Variants in KDM7A observed in about 807,000 individuals in gnomAD.
KDM7A encodes the protein lysine-specific demethylase 7A.
KDM7A carries 28 observed loss-of-function variants against 114.8 expected under a neutral mutation model. That is an observed-to-expected ratio of 0.24 (90% CI 0.18 to 0.33). The LOEUF (loss-of-function observed/expected upper bound fraction) is 0.33. KDM7A is among the 10% of genes least tolerant of loss of function. The pLI, the probability that KDM7A is intolerant of heterozygous loss-of-function variation, is 1.00. For synonymous variants in KDM7A, 423 were observed against 397.8 expected (o/e 1.06, Z -0.75); for missense variants, 942 against 1,142.5 (o/e 0.82, Z 2.53).
Position 140,091,132 on chromosome 7 carries a change from TAAGG to T in KDM7A, c.2784_2787del (p.Leu929SerfsTer2). 6.2e-7 allele frequency: 1 copy of T among 1,614,164 alleles called. No individual in the cohort carries two copies. Among genetic ancestry groups the T allele is most frequent in the Non-Finnish European group, 8.5e-7 (1 of 1,179,964 alleles). ...CGTGCATGGCCATTTCTGTTCAACT[TAAGG>T]ATCTTCCCAAGACGTTGTTTGGCTG... On this transcript the variant is annotated frameshift_variant, in exon 20 of 20. Transcript: ENST00000397560. LOFTEE classifies it high-confidence loss of function.
rs1224780275 is a variant in KDM7A, at chr7:140,085,503, AGCAT to A, written c.*5587_*5590del. On this transcript the variant is annotated 3_prime_UTR_variant, in exon 20 of 20. Transcript: ENST00000397560. Reference sequence around the variant, plus strand: ...ATGAACCTTTTCACCCTCTTTCCACAGCATGAAACTGTTATGGCTTAATTTATAT... The same window carrying A: ...ATGAACCTTTTCACCCTCTTTCCACAGAAACTGTTATGGCTTAATTTATAT... 2 of 152,224 alleles carry A rather than the reference AGCAT, an allele frequency of 1.3e-5. No homozygotes were observed. The highest frequency in any genetic ancestry group is 4.8e-5 in the African/African-American group (2 of 41,456). 9.4% of individuals were successfully genotyped at this position (152,224 alleles called of 1,614,324 possible).
At chr7:140,096,854 T>C (rs1298766445) in intron 16 of KDM7A, 45 bp downstream of exon 16, 1 of 1,596,696 alleles carries the variant, frequency 6.3e-7, no homozygotes, top group Non-Finnish European at 8.6e-7. Flanking sequence ...GTTCATAGTA[T>C]TTACCTTACA....
rs115086341 is a variant in KDM7A at position 140,166,132 on chromosome 7, C to T, written c.194+10612G>A. 8.4e-3 allele frequency among the ~76,000 whole-genome samples: 1,271 copies of T among 152,136 alleles called. 5 individuals carry two copies. The highest frequency in any genetic ancestry group is 0.016 in the African/African-American group (674 of 41,478). On this transcript the variant is annotated intron_variant, in intron 1 of 19. Transcript: ENST00000397560. ...GGTATACTCAGAGTTCAGTACTATC[C>T]GTAGTTGCCGGCATCCACTGGGGGT...
At chr7:140,120,308 T>A in intron 8 of KDM7A, 134 bp downstream of exon 8, 3 of 533,244 alleles carry the variant, frequency 5.6e-6, no homozygotes, top group Non-Finnish European at 1.0e-5. Context: ...AAAGCTTCTA[T>A]CCCTAATAAT....
chr7:140,171,560 T>TA, intron 1 of KDM7A, among the ~76,000 whole-genome samples: 1 of 103,766 alleles, frequency 9.6e-6, no homozygotes, highest in East Asian at 2.8e-4. Flanking sequence ...TATATTTATT[T>TA]TTATATATTT....
intron 2 of KDM7A, among the ~76,000 whole-genome samples, chr7:140,136,137 C>T (rs1256575764): frequency 6.6e-6 from 1 of 152,144 alleles, no homozygotes; most frequent in Non-Finnish European, 1.5e-5. Flanking sequence ...AGTGCATCAG[C>T]TTTGGAATTA....
At position 140,127,429 on chromosome 7, in the gene KDM7A, C is replaced by A. The variant is rs1818724905; in HGVS notation, c.701+13G>T. 6.2e-7 allele frequency: 1 copy of A among 1,608,642 alleles called. No individual in the cohort carries two copies. Among genetic ancestry groups the A allele is most frequent in the African/African-American group, 1.3e-5 (1 of 74,704 alleles). On this transcript the variant is annotated intron_variant, in intron 5 of 19. Transcript: ENST00000397560. ...ACTCAGAATGCTAAACCAAAATACCCAGAACTACTCACTTTGTATCTGAAA... is the reference window on the plus strand; with the variant it reads ...ACTCAGAATGCTAAACCAAAATACCAAGAACTACTCACTTTGTATCTGAAA...
intron 2 of KDM7A, among the ~76,000 whole-genome samples, chr7:140,135,900 TAAAAG>T (rs1818862760): frequency 8.2e-6 from 1 of 122,096 alleles, no homozygotes. Flanking sequence ...CATCAGTACT[TAAAAG>T]AAAAAAAAAA....
At chr7:140,134,329 C>T (rs908731881) in intron 2 of KDM7A, among the ~76,000 whole-genome samples, 2 of 152,176 alleles carry the variant, frequency 1.3e-5, no homozygotes, top group Non-Finnish European at 2.9e-5. Context: ...CAATAGCTTT[C>T]TCTGCAATCT....
chr7:140,127,675 T>A, intron 4 of KDM7A, 92 bp from the exon 5 acceptor site: 1 of 1,056,528 alleles, frequency 9.5e-7, no homozygotes, highest in Non-Finnish European at 1.4e-6. Flanking sequence ...GTATGATAAT[T>A]AAACCAACTA....
intron 7 of KDM7A, among the ~76,000 whole-genome samples, chr7:140,121,272 T>A (rs62491411): frequency 0.068 from 10,298 of 152,286 alleles, 404 homozygotes; most frequent in Non-Finnish European, 0.09. Context: ...GTCTAACTTT[T>A]GAAAAAAATG....
At chr7:140,099,810 G>A in intron 13 of KDM7A, 89 bp downstream of exon 13, 1 of 1,252,092 alleles carries the variant, frequency 8.0e-7, no homozygotes, top group South Asian at 1.3e-5. Context: ...GGTCCCTGGT[G>A]CCAGAAAGGT....
At chr7:140,132,281 T>C (rs1818800569) in intron 3 of KDM7A, among the ~76,000 whole-genome samples, 1 of 152,212 alleles carries the variant, frequency 6.6e-6, no homozygotes, top group Non-Finnish European at 1.5e-5. Context: ...ATTTTGGACA[T>C]TTGTGATCAT....
chr7:140,157,848 A>G (rs960884323), intron 1 of KDM7A, among the ~76,000 whole-genome samples: 4 of 151,728 alleles, frequency 2.6e-5, no homozygotes, highest in African/African-American at 9.7e-5. Flanking sequence ...ACACGCCTGT[A>G]ATCCCAGCTA....
chr7:140,100,709 C>CATATATATATATATATATATATATAT (rs1818199422), intron 12 of KDM7A, among the ~76,000 whole-genome samples: 3 of 31,794 alleles, frequency 9.4e-5, no homozygotes, highest in Non-Finnish European at 2.6e-4. Flanking sequence ...TATATATATA[C>CATATATATATATATATATATATATAT]ACATATATAT....
chr7:140,117,480 G>C (rs973067642), intron 9 of KDM7A, among the ~76,000 whole-genome samples: 4 of 151,746 alleles, frequency 2.6e-5, no homozygotes, highest in African/African-American at 9.7e-5. Flanking sequence ...GCGTGTGTGT[G>C]TGTGTGTTCG....
intron 1 of KDM7A, among the ~76,000 whole-genome samples, chr7:140,155,694 C>T (rs1794450600): frequency 6.6e-6 from 1 of 152,148 alleles, no homozygotes; most frequent in Non-Finnish European, 1.5e-5. Context: ...GATAAAACAC[C>T]ATCGATAAAT....
Position 140,090,977 on chromosome 7 carries a change from G to T in KDM7A, c.*117C>A. On this transcript the variant is annotated 3_prime_UTR_variant, in exon 20 of 20. Coordinates refer to ENST00000397560, the MANE Select transcript of KDM7A (RefSeq NM_030647.2). ...CAGCATCAGGTTCATTCTGTTCTTC[G>T]GGCAGTGTTCTTACTATACACACAA... The T allele has an allele frequency of 1.4e-6, 1 of 707,900 alleles. No individual in the cohort carries two copies. The highest frequency in any genetic ancestry group is 1.6e-5 in the South Asian group (1 of 61,216). 43.9% of individuals were successfully genotyped at this position (707,900 alleles called of 1,614,324 possible).
At chr7:140,099,283 C>A (rs569175455) in intron 13 of KDM7A, among the ~76,000 whole-genome samples, 1 of 152,204 alleles carries the variant, frequency 6.6e-6, no homozygotes, top group Non-Finnish European at 1.5e-5. Flanking sequence ...TAAGTTTGAA[C>A]TCCTGGGCTC....
Sources: allele counts gnomAD v4.1 joint callset (sites outside exome capture counted in the v4.1 genomes callset), GRCh38; gene constraint gnomAD v4.1.1; transcripts MANE v1.5; gene names NCBI Gene and HGNC (gene_info 2026-07-23, HGNC 2026-07-21).